HDAC4: variants seen among roughly 807,000 people sequenced by gnomAD.
The protein encoded by HDAC4 is histone deacetylase 4.
A neutral mutation model predicts 135.1 loss-of-function variants in HDAC4; 16 were observed. The ratio of observed to expected loss-of-function variants is 0.12; its 90% CI spans 0.08 to 0.18. The LOEUF (loss-of-function observed/expected upper bound fraction) is 0.18, where lower values mean the gene tolerates loss of function less well. Among genes scored for constraint, HDAC4 ranks in the 10% least tolerant of loss-of-function variants. The probability of loss-of-function intolerance (pLI) is 1.00; values close to 1 mark genes in which losing one functional copy is unlikely to be tolerated. For synonymous variants in HDAC4, 685 were observed against 653.4 expected, an observed-to-expected ratio of 1.05 and a Z score of -0.74; for missense variants, 1,143 against 1,511.8, an observed-to-expected ratio of 0.76 and a Z score of 4.05.
intron 3 of HDAC4, among the ~76,000 whole-genome samples, chr2:239,204,839 G>A (rs1271970641): frequency 6.6e-6 from 1 of 152,208 alleles, no homozygotes; most frequent in African/African-American, 2.4e-5. Flanking sequence ...GGCCTCTGAT[G>A]GCCCCTTCCT....
intron 2 of HDAC4, among the ~76,000 whole-genome samples, chr2:239,258,901 T>C (rs2049195006): frequency 6.6e-6 from 1 of 152,122 alleles, no homozygotes; most frequent in South Asian, 2.1e-4. Flanking sequence ...ACTAAAAAAA[T>C]TCCCAAACAC....
chr2:239,377,788 C>T (rs1301734916), intron 1 of HDAC4, among the ~76,000 whole-genome samples: 1 of 152,154 alleles, frequency 6.6e-6, no homozygotes, highest in Non-Finnish European at 1.5e-5. Flanking sequence ...ACGGACATCT[C>T]AGACACAACT....
intron 2 of HDAC4, among the ~76,000 whole-genome samples, chr2:239,319,371 A>G (rs1260147410): frequency 6.6e-6 from 1 of 152,222 alleles, no homozygotes; most frequent in Non-Finnish European, 1.5e-5. Flanking sequence ...AACCAACAAC[A>G]AACATAAAAA....
chr2:239,340,284 G>A (rs911158061), intron 2 of HDAC4, among the ~76,000 whole-genome samples: 1 of 152,182 alleles, frequency 6.6e-6, no homozygotes, highest in Non-Finnish European at 1.5e-5. Context: ...GAGAAATTAC[G>A]TCTTACCAAA....
intron 16 of HDAC4, 43 bp from the exon 17 acceptor site, chr2:239,095,099 G>A (rs770801368): frequency 1.2e-5 from 19 of 1,611,390 alleles, no homozygotes; most frequent in East Asian, 1.1e-4. Context: ...AAGGGCACGC[G>A]GCCAAGGTGC....
chr2:239,377,220 G>C (rs1203128150), intron 1 of HDAC4, among the ~76,000 whole-genome samples: 1 of 79,836 alleles, frequency 1.3e-5, no homozygotes, highest in Non-Finnish European at 2.4e-5. Context: ...CCAGGCGTCA[G>C]CTGCCCCAGC....
intron 19 of HDAC4, 104 bp downstream of exon 19, chr2:239,087,455 A>T (rs2036086214): frequency 2.6e-6 from 3 of 1,167,584 alleles, no homozygotes; most frequent in Admixed American, 4.1e-5. Flanking sequence ...TGGCCAGCAA[A>T]CAGCAGCCCA....
At chr2:239,321,409 G>A (rs985430204) in intron 2 of HDAC4, among the ~76,000 whole-genome samples, 4 of 138,458 alleles carry the variant, frequency 2.9e-5, no homozygotes, top group Non-Finnish European at 4.5e-5. Flanking sequence ...AGCTTGCAGC[G>A]AGCCGAGATA....
At chr2:239,251,073 T>A (rs2048760830) in intron 2 of HDAC4, among the ~76,000 whole-genome samples, 1 of 152,224 alleles carries the variant, frequency 6.6e-6, no homozygotes, top group Non-Finnish European at 1.5e-5. Flanking sequence ...GAGGATGACG[T>A]GGGGTGGAAA....
In HDAC4 at chr2:239,115,331, A is replaced by G. The variant is rs2039033937; in HGVS notation, c.1534-21T>C. On this transcript the variant is annotated intron_variant, in intron 12 of 26. Coordinates refer to ENST00000543185, the MANE Select transcript of HDAC4 (RefSeq NM_001378414.1). The surrounding 1 kb of genome is among the most constrained non-coding windows in gnomAD (Gnocchi z 6.3). ...ATGATCTGCAAGGCGGAGGTAACAC[A>G]TGAAGCACAGAGAGCTGGGTCCTCT... The G allele has an allele frequency of 6.2e-7, 1 of 1,612,932 alleles. No individual in the cohort carries two copies. The highest frequency in any genetic ancestry group is 8.5e-7 in the Non-Finnish European group (1 of 1,179,932).
At chr2:239,225,597 G>C (rs555196938) in intron 3 of HDAC4, among the ~76,000 whole-genome samples, 115 of 152,354 alleles carry the variant, frequency 7.5e-4, no homozygotes, top group African/African-American at 2.5e-3. Flanking sequence ...CAGGAAGGCG[G>C]GGAAGGCAGG....
Position 239,307,037 on chromosome 2 carries a change from G to A in HDAC4, c.22+45641C>T, listed in dbSNP as rs2052629147. ...GGGTGATGCCATCCTTCCCACTCTC[G>A]CCCTCCGGCCTTCATTCAGCACTCT... On this transcript the variant is annotated intron_variant, in intron 2 of 26. Coordinates refer to ENST00000543185, the MANE Select transcript of HDAC4 (RefSeq NM_001378414.1). This position sits in a 1 kb window ranked among gnomAD's most constrained non-coding sequence, Gnocchi z 4.8. Among the ~76,000 whole-genome samples the A allele has an allele frequency of 6.6e-6, 1 of 152,080 alleles. No individual in the cohort carries two copies. Among genetic ancestry groups the A allele is most frequent in the African/African-American group, 2.4e-5 (1 of 41,418 alleles).
At chr2:239,085,668 A>G (rs2035860842) in intron 19 of HDAC4, among the ~76,000 whole-genome samples, 1 of 152,244 alleles carries the variant, frequency 6.6e-6, no homozygotes, top group African/African-American at 2.4e-5. Flanking sequence ...AAAGCTACAA[A>G]GATTCCAACA....
At position 239,068,858 on chromosome 2, in the gene HDAC4, G is replaced by A. The variant is rs62189534; in HGVS notation, c.2751-251C>T. ...CCAGCAAGCCCCACGACACTTGCTTGGTGAGAGGGAGTCACGGTGCAAGCC... is the reference window on the plus strand; with the variant it reads ...CCAGCAAGCCCCACGACACTTGCTTAGTGAGAGGGAGTCACGGTGCAAGCC... On this transcript the variant is annotated intron_variant, in intron 22 of 26. Coordinates refer to ENST00000543185, the MANE Select transcript of HDAC4 (RefSeq NM_001378414.1). The surrounding 1 kb of genome is among the most constrained non-coding windows in gnomAD (Gnocchi z 4.4). 0.052 allele frequency: 23,325 copies of A among 451,750 alleles called. 227 individuals carry two copies. The highest frequency in any genetic ancestry group is 0.069 in the Non-Finnish European group (16,131 of 234,218). 28.0% of individuals were successfully genotyped at this position (451,750 alleles called of 1,614,324 possible). A position where few individuals can be genotyped will look rare whatever the true frequency, so the allele number is the denominator to read the frequency against.
intron 2 of HDAC4, among the ~76,000 whole-genome samples, chr2:239,310,551 G>A (rs2052825677): frequency 6.6e-6 from 1 of 152,242 alleles, no homozygotes; most frequent in Non-Finnish European, 1.5e-5. Context: ...CGTAGGGCAG[G>A]ACTGCCAGGC....
intron 7 of HDAC4, among the ~76,000 whole-genome samples, chr2:239,154,276 A>C (rs2152943062): frequency 6.6e-6 from 1 of 152,160 alleles, no homozygotes; most frequent in Admixed American, 6.5e-5. Flanking sequence ...TCCTGGGTCC[A>C]TGGCTCTGGA....
chr2:239,358,028 T>C (rs538810571), intron 1 of HDAC4, among the ~76,000 whole-genome samples: 1 of 152,184 alleles, frequency 6.6e-6, no homozygotes, highest in South Asian at 2.1e-4. Context: ...AACAAGTGCC[T>C]TGAAAAGCCC....
intron 4 of HDAC4, among the ~76,000 whole-genome samples, chr2:239,184,415 TG>T (rs1441591648): frequency 1.6e-5 from 2 of 125,500 alleles, no homozygotes; most frequent in East Asian, 2.8e-4. Flanking sequence ...CTGTGCCCTA[TG>T]GGGGGGTCCC....
rs565044017 is a variant in HDAC4, at chr2:239,293,393, C to T, written c.23-56729G>A. On this transcript the variant is annotated intron_variant, in intron 2 of 26. Transcript: ENST00000543185. ...AATAACTGCAAACACCTTGCAAAAC[C>T]GCAGGGTCCCAGAAAACCCTATTTG... 4.1e-4 allele frequency among the ~76,000 whole-genome samples: 62 copies of T among 152,302 alleles called. No individual in the cohort carries two copies. The South Asian group carries it at 0.013, about 32-fold the overall frequency.
Sources: gnomAD v4.1 joint callset for allele counts (sites outside exome capture counted in the v4.1 genomes callset) on GRCh38, gnomAD v4.1.1 for gene constraint, Gnocchi (gnomAD v3.1) non-coding constraint, MANE v1.5 for transcripts, NCBI Gene and HGNC (gene_info 2026-07-23, HGNC 2026-07-21) for gene names.